The following YLPM1 variants were observed in gnomAD, a reference collection of about 807,000 sequenced individuals.
YLPM1 encodes the protein YLP motif-containing protein 1.
A neutral mutation model predicts 230.0 loss-of-function variants in YLPM1; 99 were observed. The ratio of observed to expected loss-of-function variants is 0.43; its 90% CI spans 0.37 to 0.51. YLPM1 has a LOEUF of 0.51. YLPM1 is among the 20% of genes least tolerant of loss of function. The probability of loss-of-function intolerance (pLI) is 0.00; values close to 1 mark genes in which losing one functional copy is unlikely to be tolerated. For missense variants in YLPM1, 2,592 were observed against 2,707.7 expected (o/e 0.96, Z 0.95); for synonymous variants, 984 against 942.5 (o/e 1.04, Z -0.81).
chr14:74,775,849 C>T (rs1159941711), intron 1 of YLPM1, among the ~76,000 whole-genome samples: 1 of 152,140 alleles, frequency 6.6e-6, no homozygotes, highest in Non-Finnish European at 1.5e-5. Context: ...AGGCCATTCT[C>T]TTTTATAGTT....
At chr14:74,824,230 C>G in intron 17 of YLPM1, 26 bp from the exon 18 acceptor site, 5 of 1,609,224 alleles carry the variant, frequency 3.1e-6, no homozygotes, top group Non-Finnish European at 4.2e-6. Flanking sequence ...TCTAACCCTT[C>G]GAGCTTCTCT....
rs1056886609 is a variant in YLPM1 at position 74,836,716 on chromosome 14, T to C, written c.*978T>C. The C allele has an allele frequency of 1.3e-5, 2 of 152,596 alleles. No individual in the cohort carries two copies. 9.5% of individuals were successfully genotyped at this position (152,596 alleles called of 1,614,324 possible). A position where few individuals can be genotyped will look rare whatever the true frequency, so the allele number is the denominator to read the frequency against. On this transcript the variant is annotated 3_prime_UTR_variant, in exon 21 of 21. Coordinates refer to ENST00000325680, the MANE Select transcript of YLPM1 (RefSeq NM_019589.3). The stretch of plus-strand genomic sequence containing the variant: ...TATAAAGATGCAGAGCACTCTGGCA[T>C]GTAACCTTTAAGCCTGTCAGGTTTT...
chr14:74,831,106 G>T (rs560485281), intron 19 of YLPM1, among the ~76,000 whole-genome samples: 21 of 152,160 alleles, frequency 1.4e-4, no homozygotes, highest in Non-Finnish European at 2.8e-4. Flanking sequence ...AATCTGATAG[G>T]TGAAAAAAAT....
chr14:74,764,423 C>T lies in YLPM1; in HGVS notation c.873+61C>T, dbSNP rs564930926. 1.8e-4 allele frequency: 274 copies of T among 1,491,096 alleles called. 1 individual carries two copies. In the South Asian group the frequency reaches 3.5e-3, roughly 19 times the overall value. 92.4% of individuals were successfully genotyped at this position (1,491,096 alleles called of 1,614,324 possible). On this transcript the variant is annotated intron_variant, in intron 1 of 20. Transcript: ENST00000325680. ...TAGAGGGCCCTGAATGAGCAGGCCT[C>T]AGGGCTTTAACCAGTGGTTAGTCTA...
chr14:74,806,359 G>A (rs910227629), intron 6 of YLPM1, among the ~76,000 whole-genome samples: 2 of 151,666 alleles, frequency 1.3e-5, no homozygotes, highest in Non-Finnish European at 2.9e-5. Context: ...TCTGTCTCAA[G>A]TGCATCACCT....
chr14:74,776,762 G>A lies in YLPM1; in HGVS notation c.874-1685G>A, dbSNP rs368854268. On this transcript the variant is annotated intron_variant, in intron 1 of 20. Transcript: ENST00000325680. Reference sequence around the variant, plus strand: ...GAAAGCTCAGTGAGTATGGATTTTGGGTTTAGAAATAAATTTTAGGTCGGG... The same window carrying A: ...GAAAGCTCAGTGAGTATGGATTTTGAGTTTAGAAATAAATTTTAGGTCGGG... Among the ~76,000 whole-genome samples, 27 of 152,156 alleles carry A rather than the reference G, an allele frequency of 1.8e-4. No individual in the cohort carries two copies. The East Asian group carries it at 4.2e-3, about 24-fold the overall frequency.
At chr14:74,833,366 A>G (rs556104881) in intron 19 of YLPM1, among the ~76,000 whole-genome samples, 19 of 152,178 alleles carry the variant, frequency 1.2e-4, no homozygotes, top group African/African-American at 4.6e-4. Context: ...CTCCCACCTC[A>G]TCCTCCCTAG....
At chr14:74,793,119 G>A (rs994438174) in intron 4 of YLPM1, among the ~76,000 whole-genome samples, 1 of 151,956 alleles carries the variant, frequency 6.6e-6, no homozygotes, top group Non-Finnish European at 1.5e-5. Context: ...AAAATCTCTG[G>A]TATTCTGAAA....
At chr14:74,791,938 C>T (rs190628954) in intron 4 of YLPM1, among the ~76,000 whole-genome samples, 2 of 152,284 alleles carry the variant, frequency 1.3e-5, no homozygotes, top group East Asian at 1.9e-4. Context: ...TAAGGTCTCT[C>T]ATGGACTCTT....
At position 74,836,713 on chromosome 14, in the gene YLPM1, G is replaced by A. The variant is rs931657769; in HGVS notation, c.*975G>A. 2.0e-5 allele frequency: 3 copies of A among 152,568 alleles called. No individual in the cohort carries two copies. Among genetic ancestry groups the A allele is most frequent in the African/African-American group, 7.2e-5 (3 of 41,442 alleles). 9.5% of individuals were successfully genotyped at this position (152,568 alleles called of 1,614,324 possible). A position where few individuals can be genotyped will look rare whatever the true frequency, so the allele number is the denominator to read the frequency against. On this transcript the variant is annotated 3_prime_UTR_variant, in exon 21 of 21. Transcript: ENST00000325680. ...GAGTATAAAGATGCAGAGCACTCTG[G>A]CATGTAACCTTTAAGCCTGTCAGGT...
rs1009361684 is a variant in YLPM1 at position 74,836,817 on chromosome 14, A to G, written c.*1079A>G. On this transcript the variant is annotated 3_prime_UTR_variant, in exon 21 of 21. Coordinates refer to ENST00000325680, the MANE Select transcript of YLPM1 (RefSeq NM_019589.3). ...AATTTCCTCTCTTGTGGTTAATACC[A>G]GGTGGAACCCAGAAACATACAGAGA... is the stretch of plus-strand genomic sequence containing the variant. The G allele has an allele frequency of 6.6e-6, 1 of 152,664 alleles. No individual in the cohort carries two copies. The highest frequency in any genetic ancestry group is 1.5e-5 in the Non-Finnish European group (1 of 68,038). 9.5% of individuals were successfully genotyped at this position (152,664 alleles called of 1,614,324 possible). A position where few individuals can be genotyped will look rare whatever the true frequency, so the allele number is the denominator to read the frequency against.
intron 4 of YLPM1, among the ~76,000 whole-genome samples, chr14:74,786,644 A>G (rs2091153072): frequency 6.6e-6 from 1 of 152,214 alleles, no homozygotes; most frequent in Admixed American, 6.5e-5. Flanking sequence ...GTTCCTGTAC[A>G]ATAGTTCATT....
chr14:74,809,488 G>C lies in YLPM1; in HGVS notation c.4630G>C (p.Val1544Leu). ...ATCTGTTCCTGTGACCAGGCCACCTGTCCCAATACCACCACCTCCACCTCC... is the reference window on the plus strand; with the variant it reads ...ATCTGTTCCTGTGACCAGGCCACCTCTCCCAATACCACCACCTCCACCTCC... ...RSSVPVTRPP[V>L]PIPPPPPPPP... Residue 1544 changes from valine (V) to leucine (L), a missense_variant, in exon 7 of 21, where the codon GTC (valine) becomes CTC (leucine). Physicochemically the swap from Val to Leu is conservative, Grantham distance 32. This residue lies in a region of YLPM1 where 403 missense variants were observed against 426.7 expected (regional missense o/e 0.94). Transcript: ENST00000325680. 2 of 1,585,834 alleles carry C rather than the reference G, an allele frequency of 1.3e-6. No homozygotes were observed. Among genetic ancestry groups the C allele is most frequent in the Non-Finnish European group, 1.7e-6 (2 of 1,165,062 alleles).
Position 74,778,551 on chromosome 14 carries a change from A to C in YLPM1, c.978A>C (p.Thr326=). The change falls in exon 2 of 21, where the codon ACA becomes ACC. Residue 326 remains threonine (T), a synonymous_variant. Coordinates refer to ENST00000325680, the MANE Select transcript of YLPM1 (RefSeq NM_019589.3). Reference sequence around the variant, plus strand: ...AGGGTCCTGTGGTAGCAAAGGATACACCAGAGCCGGTAAAAGAAGAAGTTA... The same window carrying C: ...AGGGTCCTGTGGTAGCAAAGGATACCCCAGAGCCGGTAAAAGAAGAAGTTA... ...HKKGPVVAKD[T]PEPVKEEVTV... is the part of the protein sequence containing the mutation. 1 of 1,607,058 alleles carries C rather than the reference A, an allele frequency of 6.2e-7. No individual in the cohort carries two copies. Among genetic ancestry groups the C allele is most frequent in the South Asian group, 1.1e-5 (1 of 89,322 alleles).
In YLPM1 at chr14:74,798,641, G is replaced by T; in HGVS notation, c.3344G>T (p.Arg1115Leu). The T allele has an allele frequency of 4.3e-6, 7 of 1,612,146 alleles. No individual in the cohort carries two copies. The highest frequency in any genetic ancestry group is 5.9e-6 in the Non-Finnish European group (7 of 1,178,774). Residue 1115 changes from arginine (R) to leucine (L), a missense_variant, in exon 5 of 21, where the codon CGG (arginine) becomes CTG (leucine). Coordinates refer to ENST00000325680, the MANE Select transcript of YLPM1 (RefSeq NM_019589.3). ...GGCAGCCGAGAAAGGGGACCACCTC[G>T]GAGGGCTGGCAGTCAGGAGAGGGGA... The part of the protein sequence containing the change: ...AAGSRERGPP[R>L]RAGSQERGPL...
chr14:74,812,527 G>T (rs942057215), intron 10 of YLPM1, 101 bp from the exon 11 acceptor site: 32 of 1,210,412 alleles, frequency 2.6e-5, no homozygotes, highest in Non-Finnish European at 3.2e-5. Context: ...AAAATCACTG[G>T]ACTTGGTTTG....
Position 74,809,260 on chromosome 14 carries a change from TTGAA to T in YLPM1, c.4522-116_4522-113del, listed in dbSNP as rs1266127091. 4 of 1,340,814 alleles carry T rather than the reference TTGAA, an allele frequency of 3.0e-6. No homozygotes were observed. In the Admixed American group the frequency reaches 1.4e-4, roughly 48 times the overall value. The allele number at this position is 1,340,814 out of a possible 1,614,324, so 83.1% of individuals were successfully genotyped here. A position where few individuals can be genotyped will look rare whatever the true frequency, so the allele number is the denominator to read the frequency against. ...ATGGTATGTTTTGAAGCACGAAATTTTGAATGAGTCCAAGGTGTTAACTTTTTTC... is the reference window on the plus strand; with the variant it reads ...ATGGTATGTTTTGAAGCACGAAATTTTGAGTCCAAGGTGTTAACTTTTTTC... On this transcript the variant is annotated intron_variant, in intron 6 of 20. Transcript: ENST00000325680.
chr14:74,789,699 CT>C (rs2091187606), intron 4 of YLPM1, among the ~76,000 whole-genome samples: 1 of 150,076 alleles, frequency 6.7e-6, no homozygotes, highest in South Asian at 2.1e-4. Flanking sequence ...AGGATCACAA[CT>C]CATTACAACT....
intron 17 of YLPM1, 86 bp downstream of exon 17, chr14:74,821,223 C>G: frequency 6.9e-7 from 1 of 1,439,228 alleles, no homozygotes; most frequent in Non-Finnish European, 9.2e-7. Flanking sequence ...GGTTAGACAA[C>G]TACTGTTGAT....
Sources: gnomAD v4.1 joint callset for allele counts (sites outside exome capture counted in the v4.1 genomes callset) on GRCh38, gnomAD v4.1.1 for gene constraint, gnomAD v4.1.1 regional missense constraint, MANE v1.5 for transcripts, NCBI Gene and HGNC (gene_info 2026-07-23, HGNC 2026-07-21) for gene names.